RBBP7: variants seen among roughly 807,000 people sequenced by gnomAD.
RBBP7 encodes the protein histone-binding protein RBBP7.
In RBBP7, 5 loss-of-function variants were observed where a neutral mutation model predicts 35.2. That is an observed-to-expected ratio of 0.14 (90% CI 0.07 to 0.30). The LOEUF is 0.30. Among genes scored for constraint, RBBP7 ranks in the 10% least tolerant of loss-of-function variants. RBBP7 has a pLI of 1.00. For missense variants in RBBP7, 155 were observed against 327.5 expected (o/e 0.47, Z 4.07); for synonymous variants, 140 against 118.7 (o/e 1.18, Z -1.17).
chrX:16,851,139 A>G (rs758578885), intron 9 of RBBP7, among the ~76,000 whole-genome samples: 283 of 107,597 alleles, frequency 2.6e-3, no homozygotes, highest in Non-Finnish European at 4.9e-3. Context: ...AAAAAAAAAG[A>G]AAAGAAAAGA....
chrX:16,869,517 C>G (rs1278510173), intron 1 of RBBP7: 2 of 1,165,161 alleles, frequency 1.7e-6, no homozygotes, highest in Non-Finnish European at 2.3e-6. Flanking sequence ...ACGACCTGTA[C>G]GTACAGGGGC....
intron 5 of RBBP7, among the ~76,000 whole-genome samples, chrX:16,854,985 GTTTTT>G (rs150641871): frequency 2.1e-5 from 2 of 93,899 alleles, no homozygotes; most frequent in East Asian, 3.4e-4. Flanking sequence ...ACTGGTATGG[GTTTTT>G]TTTTTTTTTT....
In RBBP7 at chrX:16,864,732, T is replaced by A. The variant is rs1488148833; in HGVS notation, c.162-1632A>T. On this transcript the variant is annotated intron_variant, in intron 2 of 11. Coordinates refer to ENST00000380087, the MANE Select transcript of RBBP7 (RefSeq NM_002893.4). ...CTTTTTTTAAGAGACAAGGTCTCAC[T>A]ATGTTGCCCAGGCTGGCCTCCAACT... is the stretch of plus-strand genomic sequence containing the variant. Among the ~76,000 whole-genome samples, 4 of 109,180 alleles carry A rather than the reference T, an allele frequency of 3.7e-5. 1 individual carries two copies. The East Asian group carries it at 8.6e-4, about 23-fold the overall frequency. 94.8% of individuals were successfully genotyped at this position (109,180 alleles called of 115,157 possible).
intron 1 of RBBP7, 116 bp downstream of exon 1, chrX:16,869,922 C>G: frequency 2.6e-6 from 2 of 759,432 alleles, no homozygotes; most frequent in Non-Finnish European, 1.6e-6. Context: ...GTCTCGCGCC[C>G]GGCCCCGCCC....
chrX:16,849,952 A>T (rs765327784), intron 9 of RBBP7, among the ~76,000 whole-genome samples: 1 of 112,183 alleles, frequency 8.9e-6, no homozygotes, highest in African/African-American at 3.2e-5. Flanking sequence ...CAATTTGTAG[A>T]ATTTGCCAGT....
chrX:16,869,509 G>T, intron 1 of RBBP7: 5 of 1,166,881 alleles, frequency 4.3e-6, no homozygotes, highest in Non-Finnish European at 5.7e-6. Flanking sequence ...CTAAGATGAC[G>T]ACCTGTACGT....
chrX:16,844,617 C>CG lies in RBBP7; in HGVS notation c.*417_*418insC, dbSNP rs1491408493. 7.0e-5 allele frequency: 2 copies of CG among 28,698 alleles called. No individual in the cohort carries two copies. Among genetic ancestry groups the CG allele is most frequent in the African/African-American group, 5.1e-4 (2 of 3,910 alleles). 2.4% of individuals were successfully genotyped at this position (28,698 alleles called of 1,213,427 possible). ...TCTACTCAAAAAGTAGACTCCCCCG[C>CG]CCCCCCCCACTAAGCTTTTAAAAAA... is the stretch of plus-strand genomic sequence containing the variant. On this transcript the variant is annotated 3_prime_UTR_variant, in exon 12 of 12. Transcript: ENST00000380087.
rs1930746840 is a variant in RBBP7 at position 16,870,112 on chromosome X, C to T, written c.-59G>A. The T allele has an allele frequency of 9.5e-7, 1 of 1,056,010 alleles. No individual in the cohort carries two copies. Among genetic ancestry groups the T allele is most frequent in the South Asian group, 2.5e-5 (1 of 39,513 alleles). 87.0% of individuals were successfully genotyped at this position (1,056,010 alleles called of 1,213,427 possible). ...TCGGACTCCTCTCGTTAGCCAAGAG[C>T]AGCCCGACCGCTGGCGCTCCTGCCT... On this transcript the variant is annotated 5_prime_UTR_variant, in exon 1 of 12. Coordinates refer to ENST00000380087, the MANE Select transcript of RBBP7 (RefSeq NM_002893.4).
chrX:16,854,510 C>T (rs1003060368), intron 5 of RBBP7, among the ~76,000 whole-genome samples: 1 of 111,270 alleles, frequency 9.0e-6, no homozygotes, highest in African/African-American at 3.3e-5. Context: ...AACACAAATG[C>T]ACATCCTAAA....
At chrX:16,851,223 T>C (rs1210867750) in intron 9 of RBBP7, among the ~76,000 whole-genome samples, 4 of 111,813 alleles carry the variant, frequency 3.6e-5, no homozygotes, top group Non-Finnish European at 7.5e-5. Context: ...AATGCAAATA[T>C]TCCAAAATCC....
chrX:16,864,288 G>C (rs998305141), intron 2 of RBBP7, among the ~76,000 whole-genome samples: 1 of 110,795 alleles, frequency 9.0e-6, no homozygotes, highest in African/African-American at 3.3e-5. Flanking sequence ...AGGAGGCCAA[G>C]GCAGGCGGAT....
chrX:16,854,745 A>G (rs927892368), intron 5 of RBBP7, among the ~76,000 whole-genome samples: 1 of 108,702 alleles, frequency 9.2e-6, no homozygotes, highest in African/African-American at 3.3e-5. Context: ...TTGAAACGTC[A>G]GCAGAGCCCA....
chrX:16,856,895 G>T (rs1413550188), intron 5 of RBBP7, among the ~76,000 whole-genome samples: 1 of 111,849 alleles, frequency 8.9e-6, no homozygotes, highest in Non-Finnish European at 1.9e-5. Context: ...CCCCAAAGTA[G>T]AAAGAACTCA....
chrX:16,870,120 C>A lies in RBBP7; in HGVS notation c.-67G>T. 9.6e-7 allele frequency: 1 copy of A among 1,045,179 alleles called. No individual in the cohort carries two copies. Among genetic ancestry groups the A allele is most frequent in the Non-Finnish European group, 1.2e-6 (1 of 806,364 alleles). The allele number at this position is 1,045,179 out of a possible 1,213,427, so 86.1% of individuals were successfully genotyped here. A position where few individuals can be genotyped will look rare whatever the true frequency, so the allele number is the denominator to read the frequency against. The stretch of plus-strand genomic sequence containing the variant: ...CTCTCGTTAGCCAAGAGCAGCCCGA[C>A]CGCTGGCGCTCCTGCCTTTCCCAAG... On this transcript the variant is annotated 5_prime_UTR_variant, in exon 1 of 12. Transcript: ENST00000380087.
Position 16,870,173 on chromosome X carries a change from C to G in RBBP7, c.-120G>C, listed in dbSNP as rs1930750478. 3.4e-6 allele frequency: 3 copies of G among 879,825 alleles called. No homozygotes were observed. The highest frequency in any genetic ancestry group is 4.3e-6 in the Non-Finnish European group (3 of 705,775). 72.5% of individuals were successfully genotyped at this position (879,825 alleles called of 1,213,427 possible). ...CGTCACACTCCCCACTGTCGAAAGC[C>G]CGGGCCCCGTCTTGCTGCCTGGGTG... is the stretch of plus-strand genomic sequence containing the variant. On this transcript the variant is annotated 5_prime_UTR_variant, in exon 1 of 12. Transcript: ENST00000380087.
At chrX:16,846,082 CTATT>C (rs1052045468) in intron 10 of RBBP7, 144 bp from the exon 11 acceptor site, 24 of 991,088 alleles carry the variant, frequency 2.4e-5, no homozygotes, top group Admixed American at 4.2e-5. Flanking sequence ...GCTCAGTAAT[CTATT>C]TATACTTATT....
chrX:16,852,344 G>T (rs1930229050), intron 8 of RBBP7: 3 of 534,565 alleles, frequency 5.6e-6, no homozygotes, highest in Non-Finnish European at 9.5e-6. Flanking sequence ...CTCAGCCTGG[G>T]ATCTCAATAA....
rs760775728 is a variant in RBBP7, at chrX:16,862,992, T to C, written c.270A>G (p.Ala90=). The C allele has an allele frequency of 8.3e-7, 1 of 1,211,441 alleles. No individual in the cohort carries two copies. The highest frequency in any genetic ancestry group is 1.8e-5 in the South Asian group (1 of 56,975). ...TGTCACAATGGGAAGCATCAAACTG[T>C]GCATCATCATTGGGAATATGTACTC... is the stretch of plus-strand genomic sequence containing the variant. The part of the protein sequence containing the change: ...VARVHIPNDD[A]QFDASHCDSD... Residue 90 remains alanine, a synonymous_variant, in exon 3 of 12, where the codon GCA becomes GCG. Transcript: ENST00000380087.
intron 2 of RBBP7, among the ~76,000 whole-genome samples, chrX:16,864,697 C>G (rs1239373560): frequency 2.7e-5 from 3 of 109,235 alleles, no homozygotes; most frequent in African/African-American, 1.0e-4. Context: ...CCCCCCACCC[C>G]CGACCTTTTC....
Sources: gnomAD v4.1 joint callset for allele counts (sites outside exome capture counted in the v4.1 genomes callset) on GRCh38, gnomAD v4.1.1 for gene constraint, MANE v1.5 for transcripts, NCBI Gene and HGNC (gene_info 2026-07-23, HGNC 2026-07-21) for gene names.